Variants in AP3S1 observed in about 807,000 individuals in gnomAD.
AP3S1 encodes the protein adaptor related protein complex 3 subunit sigma 1.
AP3S1 carries 12 observed loss-of-function variants against 21.3 expected under a neutral mutation model. The observed-to-expected ratio is 0.56, with a 90% CI of 0.36 to 0.91. AP3S1 has a LOEUF of 0.91. Among genes scored for constraint, AP3S1 ranks in the 40% least tolerant of loss-of-function variants. AP3S1 has a pLI of 0.01. For synonymous variants in AP3S1, 48 were observed against 78.4 expected, an observed-to-expected ratio of 0.61 and a Z score of 2.05; for missense variants, 116 against 225.0, an observed-to-expected ratio of 0.52 and a Z score of 3.10.
At chr5:115,879,564 GAT>G (rs1749082181) in intron 3 of AP3S1, among the ~76,000 whole-genome samples, 4 of 152,154 alleles carry the variant, frequency 2.6e-5, no homozygotes, top group African/African-American at 9.7e-5. Flanking sequence ...GATTGTGTTG[GAT>G]AAGCTTTTTG....
chr5:115,869,719 A>T (rs1029298783), intron 2 of AP3S1, among the ~76,000 whole-genome samples: 1 of 151,984 alleles, frequency 6.6e-6, no homozygotes, highest in African/African-American at 2.4e-5. Context: ...TGATGTTCTG[A>T]TGTGTGTGTT....
intron 3 of AP3S1, among the ~76,000 whole-genome samples, chr5:115,891,263 T>G (rs771675459): frequency 6.6e-6 from 1 of 152,124 alleles, no homozygotes; most frequent in Non-Finnish European, 1.5e-5. Context: ...ACTTCCACAG[T>G]CACTCAGTAC....
chr5:115,896,735 G>A (rs1750781939), intron 4 of AP3S1, among the ~76,000 whole-genome samples: 1 of 152,176 alleles, frequency 6.6e-6, no homozygotes, highest in South Asian at 2.1e-4. Flanking sequence ...AGCCATGATT[G>A]TGCCACTGAA....
chr5:115,852,355 G>C (rs779742511), intron 1 of AP3S1, among the ~76,000 whole-genome samples: 1 of 152,032 alleles, frequency 6.6e-6, no homozygotes, highest in Admixed American at 6.5e-5. Context: ...CCACAGAAAA[G>C]TTCTGTAAGA....
intron 1 of AP3S1, among the ~76,000 whole-genome samples, chr5:115,847,296 A>G (rs551430058): frequency 6.6e-6 from 1 of 152,140 alleles, no homozygotes; most frequent in African/African-American, 2.4e-5. Flanking sequence ...AGGGTCTGCT[A>G]TTTCTTCTTC....
intron 5 of AP3S1, chr5:115,903,959 G>A (rs1009126324): frequency 6.6e-6 from 1 of 152,104 alleles, no homozygotes; most frequent in Admixed American, 6.6e-5. Context: ...GAGCGCACCT[G>A]TAATCCCAGC....
At chr5:115,883,052 G>A (rs1749449070) in intron 3 of AP3S1, among the ~76,000 whole-genome samples, 1 of 152,160 alleles carries the variant, frequency 6.6e-6, no homozygotes, top group South Asian at 2.1e-4. Context: ...CCTCTGCCCC[G>A]ACTAAGCTCC....
chr5:115,900,175 G>A (rs879504604), intron 4 of AP3S1, among the ~76,000 whole-genome samples: 14 of 152,086 alleles, frequency 9.2e-5, no homozygotes, highest in Non-Finnish European at 1.6e-4. Flanking sequence ...GTTTATATAG[G>A]AAAGGCCAGA....
chr5:115,862,522 G>A (rs770657246), intron 1 of AP3S1, among the ~76,000 whole-genome samples: 1 of 152,106 alleles, frequency 6.6e-6, no homozygotes, highest in Non-Finnish European at 1.5e-5. Flanking sequence ...GGAGAGAACT[G>A]TAAACAAATG....
intron 3 of AP3S1, among the ~76,000 whole-genome samples, chr5:115,884,438 G>A (rs1037857692): frequency 6.6e-5 from 10 of 152,106 alleles, no homozygotes; most frequent in Non-Finnish European, 1.3e-4. Context: ...GGTGGTGCGC[G>A]CCTGTAATCC....
At chr5:115,856,327 T>G (rs1762795942) in intron 1 of AP3S1, among the ~76,000 whole-genome samples, 1 of 152,228 alleles carries the variant, frequency 6.6e-6, no homozygotes, top group Admixed American at 6.5e-5. Flanking sequence ...TTCTTCATTT[T>G]TAATTGATAT....
rs182691006 is a variant in AP3S1, at chr5:115,844,222, T to G, written c.69+2116T>G. Among the ~76,000 whole-genome samples the G allele has an allele frequency of 5.9e-3, 892 of 152,316 alleles. 4 individuals are homozygous for G. Among genetic ancestry groups the G allele is most frequent in the Non-Finnish European group, 8.7e-3 (590 of 68,018 alleles). On this transcript the variant is annotated intron_variant, in intron 1 of 5. Transcript: ENST00000316788. ...TCCATCAGTTTGTCAACGGATAAAT[T>G]TAATTTATGCCTACCATGTGCAGGC...
chr5:115,890,172 C>T (rs1021508096), intron 3 of AP3S1, among the ~76,000 whole-genome samples: 2 of 152,048 alleles, frequency 1.3e-5, no homozygotes, highest in African/African-American at 2.4e-5. Context: ...TATGTGTATA[C>T]GTATATATAT....
At chr5:115,859,262 G>T (rs1170979664) in intron 1 of AP3S1, among the ~76,000 whole-genome samples, 1 of 152,208 alleles carries the variant, frequency 6.6e-6, no homozygotes, top group African/African-American at 2.4e-5. Flanking sequence ...ATACAAGTTT[G>T]TTTCTCACTT....
intron 1 of AP3S1, among the ~76,000 whole-genome samples, chr5:115,853,972 T>G (rs1018900402): frequency 1.3e-5 from 2 of 152,182 alleles, no homozygotes; most frequent in Non-Finnish European, 2.9e-5. Flanking sequence ...TAATTTATAG[T>G]GAACAGAAAT....
intron 3 of AP3S1, among the ~76,000 whole-genome samples, chr5:115,881,027 T>C (rs1482401401): frequency 4.7e-5 from 7 of 150,374 alleles, no homozygotes; most frequent in African/African-American, 7.3e-5. Context: ...AACCCCTGCT[T>C]TTTTTTTTGC....
At chr5:115,887,350 A>C (rs1363805309) in intron 3 of AP3S1, among the ~76,000 whole-genome samples, 2 of 106,878 alleles carry the variant, frequency 1.9e-5, no homozygotes, top group South Asian at 3.9e-4. Context: ...ATCTTATAAC[A>C]TGTCAGTGTA....
At chr5:115,844,024 G>A (rs780904266) in intron 1 of AP3S1, among the ~76,000 whole-genome samples, 9 of 152,206 alleles carry the variant, frequency 5.9e-5, no homozygotes, top group Non-Finnish European at 1.2e-4. Context: ...GTCACTGGCC[G>A]TTTATAGGTG....
chr5:115,908,077 G>T (rs1751804083), intron 5 of AP3S1, among the ~76,000 whole-genome samples: 1 of 152,128 alleles, frequency 6.6e-6, no homozygotes, highest in African/African-American at 2.4e-5. Flanking sequence ...CTCTCTCGAT[G>T]TGTTTGAGAA....
Sources: allele counts gnomAD v4.1 joint callset (sites outside exome capture counted in the v4.1 genomes callset), GRCh38; gene constraint gnomAD v4.1.1; transcripts MANE v1.5; gene names NCBI Gene and HGNC (gene_info 2026-07-23, HGNC 2026-07-21).